Variants in LRMDA observed in about 807,000 individuals in gnomAD.
The protein encoded by LRMDA is leucine-rich melanocyte differentiation-associated protein.
Under a neutral mutation model 29.8 loss-of-function variants are expected in LRMDA, and 18 were observed. The ratio of observed to expected loss-of-function variants is 0.60; its 90% CI spans 0.42 to 0.90. The LOEUF is 0.90. LRMDA is among the 40% of genes least tolerant of loss of function. LRMDA has a pLI of 0.00. For missense variants in LRMDA, 273 were observed against 273.9 expected (o/e 1.00, Z 0.02); for synonymous variants, 125 against 109.4 (o/e 1.14, Z -0.89).
At chr10:76,451,735 A>G (rs187160046) in intron 6 of LRMDA, among the ~76,000 whole-genome samples, 1 of 148,720 alleles carries the variant, frequency 6.7e-6, no homozygotes, top group East Asian at 2.0e-4. Context: ...TTGTCTCAAC[A>G]CAACCTCCAC....
At chr10:76,383,677 G>C (rs1438074307) in intron 6 of LRMDA, among the ~76,000 whole-genome samples, 2 of 151,052 alleles carry the variant, frequency 1.3e-5, no homozygotes, top group Admixed American at 1.3e-4. Flanking sequence ...TGATCCACCC[G>C]ACTCGGCCTC....
At chr10:75,582,999 T>G (rs183206813) in intron 2 of LRMDA, among the ~76,000 whole-genome samples, 21 of 152,274 alleles carry the variant, frequency 1.4e-4, no homozygotes, top group African/African-American at 4.6e-4. Context: ...CTCAATAAGT[T>G]TCTCATTTCC....
intron 2 of LRMDA, among the ~76,000 whole-genome samples, chr10:75,658,829 A>G (rs1418537060): frequency 6.6e-6 from 1 of 152,162 alleles, no homozygotes; most frequent in Non-Finnish European, 1.5e-5. Flanking sequence ...TGGTGGGTGG[A>G]GGTAAAGAAG....
intron 5 of LRMDA, among the ~76,000 whole-genome samples, chr10:76,315,935 C>T (rs761151420): frequency 1.3e-5 from 2 of 152,164 alleles, no homozygotes; most frequent in Admixed American, 1.3e-4. Flanking sequence ...CAGAAAGGAG[C>T]TACATACACA....
chr10:76,177,962 C>T (rs936585080), intron 5 of LRMDA, among the ~76,000 whole-genome samples: 5 of 152,206 alleles, frequency 3.3e-5, no homozygotes, highest in African/African-American at 1.2e-4. Flanking sequence ...CATTCCACTA[C>T]CTTTGCTCCC....
At chr10:75,749,562 T>C (rs1302437641) in intron 2 of LRMDA, among the ~76,000 whole-genome samples, 1 of 152,162 alleles carries the variant, frequency 6.6e-6, no homozygotes, top group Non-Finnish European at 1.5e-5. Context: ...TAAAATGTAT[T>C]TCTTTGAACA....
chr10:76,388,900 T>C (rs1196620260), intron 6 of LRMDA, among the ~76,000 whole-genome samples: 1 of 152,204 alleles, frequency 6.6e-6, no homozygotes, highest in Non-Finnish European at 1.5e-5. Flanking sequence ...GGTCACATAA[T>C]AAGTGGCAAA....
rs190151602 is a variant in LRMDA, at chr10:76,200,213, C to G, written c.517-124188C>G. 2.6e-5 allele frequency among the ~76,000 whole-genome samples: 4 copies of G among 152,312 alleles called. No individual in the cohort carries two copies. In the East Asian group the frequency reaches 7.7e-4, roughly 29 times the overall value. On this transcript the variant is annotated intron_variant, in intron 5 of 6. Transcript: ENST00000611255. ...TCCTGAACTGAAGCAATCCTCCTGCCTCTGCCTACTCAAGTGCTGGGATGA... is the reference window on the plus strand; with the variant it reads ...TCCTGAACTGAAGCAATCCTCCTGCGTCTGCCTACTCAAGTGCTGGGATGA...
At chr10:76,095,349 G>A (rs963680688) in intron 5 of LRMDA, among the ~76,000 whole-genome samples, 1 of 152,126 alleles carries the variant, frequency 6.6e-6, no homozygotes, top group Non-Finnish European at 1.5e-5. Flanking sequence ...TTCACATATG[G>A]ATGTACTACT....
chr10:76,270,986 C>T (rs1840061737), intron 5 of LRMDA, among the ~76,000 whole-genome samples: 1 of 152,180 alleles, frequency 6.6e-6, no homozygotes, highest in African/African-American at 2.4e-5. Flanking sequence ...GATAAGTGCA[C>T]AGTAGAAATA....
chr10:76,383,986 C>G lies in LRMDA; in HGVS notation c.601+59501C>G, dbSNP rs117335759. Among the ~76,000 whole-genome samples the G allele has an allele frequency of 8.9e-3, 1,353 of 152,076 alleles. 4 individuals are homozygous for G. The highest frequency in any genetic ancestry group is 0.015 in the Non-Finnish European group (1,020 of 67,986). On this transcript the variant is annotated intron_variant, in intron 6 of 6. Coordinates refer to ENST00000611255, the MANE Select transcript of LRMDA (RefSeq NM_001305581.2). Reference sequence around the variant, plus strand: ...TTTTTTTTCTCTCTCTCTTCTCTTTCTCTCTCCAGCCCTCTTTCTCTCTCT... The same window carrying G: ...TTTTTTTTCTCTCTCTCTTCTCTTTGTCTCTCCAGCCCTCTTTCTCTCTCT...
At chr10:75,849,754 A>T (rs1306109174) in intron 2 of LRMDA, among the ~76,000 whole-genome samples, 2 of 152,164 alleles carry the variant, frequency 1.3e-5, no homozygotes, top group Non-Finnish European at 2.9e-5. Context: ...GTACCCCAAA[A>T]TTTAAAATAA....
intron 5 of LRMDA, among the ~76,000 whole-genome samples, chr10:76,100,562 C>T (rs1233096605): frequency 2.0e-5 from 3 of 152,104 alleles, no homozygotes; most frequent in African/African-American, 7.2e-5. Flanking sequence ...ATGGGTGGGT[C>T]TTGCTCATTG....
intron 6 of LRMDA, among the ~76,000 whole-genome samples, chr10:76,460,645 A>C (rs1239595184): frequency 6.6e-6 from 1 of 152,254 alleles, no homozygotes; most frequent in African/African-American, 2.4e-5. Flanking sequence ...CAGGGTGCCC[A>C]GCCCAGGGTG....
At chr10:75,580,689 C>A (rs1297600902) in intron 2 of LRMDA, among the ~76,000 whole-genome samples, 2 of 152,118 alleles carry the variant, frequency 1.3e-5, no homozygotes, top group African/African-American at 4.8e-5. Context: ...CTACAGTAAC[C>A]AAAACAGCAT....
intron 2 of LRMDA, among the ~76,000 whole-genome samples, chr10:75,734,603 G>A (rs1238833993): frequency 7.9e-5 from 12 of 152,184 alleles, no homozygotes; most frequent in Non-Finnish European, 1.8e-4. Flanking sequence ...TCATGCATGT[G>A]TTCACTTACT....
chr10:76,170,410 A>G (rs1042226733), intron 5 of LRMDA, among the ~76,000 whole-genome samples: 4 of 152,216 alleles, frequency 2.6e-5, no homozygotes, highest in African/African-American at 7.2e-5. Context: ...TCTCTAGGAA[A>G]TATGGTAAAT....
At chr10:75,892,299 A>G (rs968223494) in intron 2 of LRMDA, among the ~76,000 whole-genome samples, 2 of 152,172 alleles carry the variant, frequency 1.3e-5, no homozygotes, top group African/African-American at 4.8e-5. Context: ...CACTAGGGAA[A>G]CCTGGACTCC....
At chr10:75,930,114 T>G (rs913454803) in intron 2 of LRMDA, among the ~76,000 whole-genome samples, 2 of 152,222 alleles carry the variant, frequency 1.3e-5, no homozygotes, top group Non-Finnish European at 2.9e-5. Context: ...AACCTGCGAA[T>G]AGATTTATGC....
Sources: allele counts gnomAD v4.1 joint callset (sites outside exome capture counted in the v4.1 genomes callset), GRCh38; gene constraint gnomAD v4.1.1; transcripts MANE v1.5; gene names NCBI Gene and HGNC (gene_info 2026-07-23, HGNC 2026-07-21).